RNF168: variants seen among roughly 807,000 people sequenced by gnomAD.
RNF168 encodes the protein E3 ubiquitin-protein ligase RNF168.
In RNF168, 34 loss-of-function variants were observed where a neutral mutation model predicts 34.9. The observed-to-expected ratio is 0.97, with a 90% CI of 0.74 to 1.30. The LOEUF (loss-of-function observed/expected upper bound fraction) is 1.30. Ranked by LOEUF, RNF168 falls within the 50% of genes most tolerant of loss-of-function variation. The probability of loss-of-function intolerance (pLI) is 0.00; values close to 1 mark genes in which losing one functional copy is unlikely to be tolerated. For synonymous variants in RNF168, 264 were observed against 254.7 expected, an observed-to-expected ratio of 1.04 and a Z score of -0.35; for missense variants, 725 against 682.5, an observed-to-expected ratio of 1.06 and a Z score of -0.69.
intron 5 of RNF168, chr3:196,474,773 C>G: frequency 5.7e-6 from 1 of 174,386 alleles, no homozygotes; most frequent in Non-Finnish European, 1.2e-5. Flanking sequence ...CTAAGTGAAG[C>G]TGGTGCCAGG....
chr3:196,483,625 C>T (rs1479680754), intron 4 of RNF168, 145 bp downstream of exon 4: 7 of 714,304 alleles, frequency 9.8e-6, no homozygotes, highest in Admixed American at 6.1e-5. Context: ...GAGTAGCTCT[C>T]TCCTTTTCAA....
chr3:196,475,132 C>T (rs1732113653), intron 5 of RNF168, 99 bp downstream of exon 5: 1 of 758,832 alleles, frequency 1.3e-6, no homozygotes, highest in Admixed American at 2.0e-5. Context: ...GTTTGATTAA[C>T]TATAGGGGCT....
intron 5 of RNF168, chr3:196,474,944 A>C: frequency 2.5e-6 from 1 of 401,984 alleles, no homozygotes; most frequent in Non-Finnish European, 4.7e-6. Flanking sequence ...ATGCTTTCAC[A>C]CTACACCAGC....
intron 1 of RNF168, among the ~76,000 whole-genome samples, chr3:196,495,243 T>C (rs1383264223): frequency 6.6e-6 from 1 of 152,180 alleles, no homozygotes; most frequent in African/African-American, 2.4e-5. Flanking sequence ...CACCAAATCC[T>C]TACGTGTCCA....
At chr3:196,491,693 T>G (rs750591284) in intron 1 of RNF168, among the ~76,000 whole-genome samples, 2 of 151,902 alleles carry the variant, frequency 1.3e-5, no homozygotes, top group East Asian at 1.9e-4. Context: ...ATTAGGGAAG[T>G]GCAAATCCTG....
chr3:196,472,958 G>C (rs910432625), intron 5 of RNF168, among the ~76,000 whole-genome samples, 186 bp from the exon 6 acceptor site: 3 of 151,982 alleles, frequency 2.0e-5, no homozygotes, highest in African/African-American at 7.3e-5. Context: ...CTGGAGTGCA[G>C]TGGCGCGGTC....
intron 1 of RNF168, among the ~76,000 whole-genome samples, chr3:196,496,512 TCTAATGAC>T (rs1209060516): frequency 6.6e-6 from 1 of 152,194 alleles, no homozygotes; most frequent in Non-Finnish European, 1.5e-5. Flanking sequence ...TAGGGCCCAT[TCTAATGAC>T]CTTATTTTAA....
At chr3:196,500,792 A>G (rs1448179514) in intron 1 of RNF168, among the ~76,000 whole-genome samples, 1 of 151,912 alleles carries the variant, frequency 6.6e-6, no homozygotes, top group Non-Finnish European at 1.5e-5. Flanking sequence ...GCTCACTGCA[A>G]GCTCCGCCTC....
intron 5 of RNF168, among the ~76,000 whole-genome samples, chr3:196,474,012 T>G (rs1305198562): frequency 6.6e-6 from 1 of 152,096 alleles, no homozygotes; most frequent in Non-Finnish European, 1.5e-5. Context: ...GTTAATACAC[T>G]CACTTGTGTG....
At chr3:196,481,688 T>C (rs1218998850) in intron 4 of RNF168, among the ~76,000 whole-genome samples, 1 of 129,396 alleles carries the variant, frequency 7.7e-6, no homozygotes, top group South Asian at 2.4e-4. Flanking sequence ...CTGCGTTTTT[T>C]TTTTTTTTTT....
At chr3:196,502,781 G>C in intron 1 of RNF168, 92 bp downstream of exon 1, 1 of 1,160,210 alleles carries the variant, frequency 8.6e-7, no homozygotes, top group Admixed American at 1.9e-5. Context: ...CGGGTTTTTT[G>C]GTTTGTTTTT....
At position 196,481,961 on chromosome 3, in the gene RNF168, GC is replaced by G. The variant is rs567678754; in HGVS notation, c.680+1808del. Among the ~76,000 whole-genome samples the G allele has an allele frequency of 1.1e-3, 148 of 132,828 alleles. 17 individuals are homozygous for G. The highest frequency in any genetic ancestry group is 4.1e-3 in the Middle Eastern group (1 of 244). The allele number at this position is 132,828 out of a possible 152,430, so 87.1% of individuals were successfully genotyped here. ...TTATAGGCATGAGCCACTGTCCCTG[GC>G]TTTTTTTTTTTTTTTTTTTTAGAGA... On this transcript the variant is annotated intron_variant, in intron 4 of 5. Transcript: ENST00000318037.
At chr3:196,499,114 T>C (rs1732819144) in intron 1 of RNF168, among the ~76,000 whole-genome samples, 2 of 151,852 alleles carry the variant, frequency 1.3e-5, no homozygotes, top group African/African-American at 4.8e-5. Context: ...GTTACAGATA[T>C]AATGGAGTTC....
At chr3:196,486,938 G>C (rs941141150) in intron 3 of RNF168, among the ~76,000 whole-genome samples, 1 of 152,200 alleles carries the variant, frequency 6.6e-6, no homozygotes, top group African/African-American at 2.4e-5. Flanking sequence ...GTGCCAGCCT[G>C]TAGTCCCAGC....
At chr3:196,478,300 AGGT>A (rs1732196904) in intron 4 of RNF168, among the ~76,000 whole-genome samples, 1 of 152,170 alleles carries the variant, frequency 6.6e-6, no homozygotes. Context: ...GCCTAAAGGG[AGGT>A]GTGAACAGCC....
chr3:196,472,914 C>CTT, intron 5 of RNF168, 142 bp from the exon 6 acceptor site: 2 of 571,334 alleles, frequency 3.5e-6, no homozygotes, highest in Non-Finnish European at 3.1e-6. Flanking sequence ...TCTTTCTTTT[C>CTT]TTTTTTTTTC....
At chr3:196,498,182 G>A (rs1487581554) in intron 1 of RNF168, among the ~76,000 whole-genome samples, 1 of 152,070 alleles carries the variant, frequency 6.6e-6, no homozygotes, top group Non-Finnish European at 1.5e-5. Flanking sequence ...TTTTGAGATG[G>A]AGTCTCACTC....
In RNF168 at chr3:196,503,692, A is replaced by ACATTTTTTAAT; in HGVS notation, c.-520_-519insATTAAAAAATG. 1 of 194,238 alleles carries ACATTTTTTAAT rather than the reference A, an allele frequency of 5.1e-6. No individual in the cohort carries two copies. Among genetic ancestry groups the ACATTTTTTAAT allele is most frequent in the Non-Finnish European group, 1.1e-5 (1 of 92,016 alleles). The allele number at this position is 194,238 out of a possible 1,614,324, so 12.0% of individuals were successfully genotyped here. On this transcript the variant is annotated 5_prime_UTR_variant, in exon 1 of 6. It adds an upstream start codon to the 5' untranslated region. Transcript: ENST00000318037. ...TTTCGGGCGCCTGGCGCAGTTTCCCAGAGCTCCGCGCCCCCGTCCCTCCTA... is the reference window on the plus strand; with the variant it reads ...TTTCGGGCGCCTGGCGCAGTTTCCCACATTTTTTAATGAGCTCCGCGCCCCCGTCCCTCCTA...
At chr3:196,482,167 C>A (rs144988016) in intron 4 of RNF168, among the ~76,000 whole-genome samples, 1 of 152,090 alleles carries the variant, frequency 6.6e-6, no homozygotes, top group African/African-American at 2.4e-5. Flanking sequence ...TAGCCACATA[C>A]CAGTTTTCAT....
Sources: allele counts gnomAD v4.1 joint callset (sites outside exome capture counted in the v4.1 genomes callset), GRCh38; gene constraint gnomAD v4.1.1; transcripts MANE v1.5; gene names NCBI Gene and HGNC (gene_info 2026-07-23, HGNC 2026-07-21).